The following PTPRN2 variants were observed in gnomAD, a reference collection of about 807,000 sequenced individuals.
PTPRN2 encodes the protein protein tyrosine phosphatase receptor type N2.
In PTPRN2, 74 loss-of-function variants were observed where a neutral mutation model predicts 118.8. The ratio of observed to expected loss-of-function variants is 0.62; its 90% CI spans 0.52 to 0.76. The LOEUF is 0.76. PTPRN2 is among the 30% of genes least tolerant of loss of function. The pLI, the probability that PTPRN2 is intolerant of heterozygous loss-of-function variation, is 0.00. For missense variants in PTPRN2, 1,481 were observed against 1,394.4 expected (o/e 1.06, Z -0.99); for synonymous variants, 641 against 608.0 (o/e 1.05, Z -0.80).
chr7:158,122,155 G>T (rs958005537), intron 9 of PTPRN2, among the ~76,000 whole-genome samples: 1 of 152,188 alleles, frequency 6.6e-6, no homozygotes, highest in African/African-American at 2.4e-5. Context: ...ACTTTTATGG[G>T]GTCAGGGTCA....
intron 2 of PTPRN2, among the ~76,000 whole-genome samples, chr7:158,478,583 G>A (rs1415689151): frequency 2.0e-5 from 3 of 152,164 alleles, no homozygotes; most frequent in South Asian, 2.1e-4. Context: ...TGCTTTCAAC[G>A]CATCCCTGAG....
At chr7:157,897,681 CCT>C (rs1797211441) in intron 12 of PTPRN2, among the ~76,000 whole-genome samples, 1 of 152,364 alleles carries the variant, frequency 6.6e-6, no homozygotes, top group Admixed American at 6.5e-5. Flanking sequence ...AGCGCAAGAA[CCT>C]CTGTTTGGGA....
At chr7:157,946,009 C>T (rs765779816) in intron 11 of PTPRN2, among the ~76,000 whole-genome samples, 3 of 152,096 alleles carry the variant, frequency 2.0e-5, no homozygotes, top group Non-Finnish European at 4.4e-5. Flanking sequence ...CTCTCAGTTC[C>T]GACAGTGTGA....
At position 157,766,054 on chromosome 7, in the gene PTPRN2, C is replaced by T. The variant is rs1802458981; in HGVS notation, c.1789-83117G>A. 3.5e-5 allele frequency among the ~76,000 whole-genome samples: 5 copies of T among 141,648 alleles called. No homozygotes were observed. The South Asian group carries it at 1.1e-3, about 31-fold the overall frequency. 92.9% of individuals were successfully genotyped at this position (141,648 alleles called of 152,430 possible). A position where few individuals can be genotyped will look rare whatever the true frequency, so the allele number is the denominator to read the frequency against. ...ATCCAACCAACCATTCATCCTTCCT[C>T]CATCCATCCATCCATCTATCCGCCC... On this transcript the variant is annotated intron_variant, in intron 12 of 22. Coordinates refer to ENST00000389418, the MANE Select transcript of PTPRN2 (RefSeq NM_002847.5).
intron 12 of PTPRN2, among the ~76,000 whole-genome samples, chr7:157,805,289 C>CTGTGTGTGTGTGTGTG (rs57161533): frequency 3.4e-5 from 5 of 148,690 alleles, no homozygotes; most frequent in African/African-American, 4.9e-5. Flanking sequence ...ATATATACTC[C>CTGTGTGTGTGTGTGTG]TGTGTGTGTG....
chr7:157,897,771 G>A (rs1458298114), intron 12 of PTPRN2, among the ~76,000 whole-genome samples: 1 of 152,292 alleles, frequency 6.6e-6, no homozygotes, highest in Non-Finnish European at 1.5e-5. Flanking sequence ...CCCCACAGAA[G>A]CAGCTTGTCT....
rs891480558 is a variant in PTPRN2 at position 157,622,160 on chromosome 7, C to T, written c.2197-651G>A. ...CCCACTCGGTTCTTATTCATCTGTA[C>T]CGTTGAGAACAAGCCCTGATTTTAA... is the stretch of plus-strand genomic sequence containing the variant. On this transcript the variant is annotated intron_variant, in intron 14 of 22. Transcript: ENST00000389418. The surrounding 1 kb of genome is among the most constrained non-coding windows in gnomAD (Gnocchi z 5.3). Among the ~76,000 whole-genome samples the T allele has an allele frequency of 2.6e-5, 4 of 152,074 alleles. No homozygotes were observed. The highest frequency in any genetic ancestry group is 2.9e-5 in the Non-Finnish European group (2 of 68,028).
intron 3 of PTPRN2, among the ~76,000 whole-genome samples, chr7:158,230,796 A>G (rs1391208733): frequency 6.6e-6 from 1 of 152,250 alleles, no homozygotes; most frequent in Non-Finnish European, 1.5e-5. Flanking sequence ...AAAAACAAAC[A>G]AAATAGCAGT....
At chr7:158,352,702 C>T (rs552819849) in intron 2 of PTPRN2, among the ~76,000 whole-genome samples, 8 of 152,204 alleles carry the variant, frequency 5.3e-5, no homozygotes, top group African/African-American at 7.2e-5. Flanking sequence ...TTGACAAAAA[C>T]GAATCACACC....
At chr7:158,154,139 G>A (rs1821476948) in intron 6 of PTPRN2, among the ~76,000 whole-genome samples, 1 of 152,160 alleles carries the variant, frequency 6.6e-6, no homozygotes, top group Non-Finnish European at 1.5e-5. Context: ...CACAGGCAGG[G>A]AATGTCAGGG....
chr7:158,329,798 T>A (rs1385918127), intron 2 of PTPRN2, among the ~76,000 whole-genome samples: 1 of 152,118 alleles, frequency 6.6e-6, no homozygotes, highest in Non-Finnish European at 1.5e-5. Flanking sequence ...TCTGTCCACA[T>A]GGTCCCACTT....
chr7:158,445,687 T>C (rs112845404), intron 2 of PTPRN2, among the ~76,000 whole-genome samples: 220 of 152,364 alleles, frequency 1.4e-3, no homozygotes, highest in Non-Finnish European at 2.3e-3. Context: ...AACAGCTTCC[T>C]GCCGCATCTT....
At chr7:158,148,339 G>C (rs1585625346) in intron 6 of PTPRN2, among the ~76,000 whole-genome samples, 2 of 84,254 alleles carry the variant, frequency 2.4e-5, no homozygotes, top group Admixed American at 1.1e-4. Context: ...CCCATCTCAC[G>C]CCACGTGTCT....
At chr7:157,686,818 G>A (rs1294482605) in intron 12 of PTPRN2, among the ~76,000 whole-genome samples, 1 of 152,106 alleles carries the variant, frequency 6.6e-6, no homozygotes, top group African/African-American at 2.4e-5. Flanking sequence ...GCAGGGGTGC[G>A]TCCCGGGTGG....
At chr7:157,941,022 C>T (rs1360008771) in intron 11 of PTPRN2, among the ~76,000 whole-genome samples, 2 of 85,310 alleles carry the variant, frequency 2.3e-5, no homozygotes, top group Non-Finnish European at 4.1e-5. Context: ...AAATCTAACA[C>T]CCTCCCCACC....
chr7:158,391,330 C>T (rs548461913), intron 2 of PTPRN2, among the ~76,000 whole-genome samples: 76 of 152,300 alleles, frequency 5.0e-4, no homozygotes, highest in Non-Finnish European at 1.0e-3. Context: ...TGTCTGAAAC[C>T]GCGCTCCCTC....
At chr7:158,191,304 C>T (rs1174889290) in intron 5 of PTPRN2, among the ~76,000 whole-genome samples, 3 of 152,188 alleles carry the variant, frequency 2.0e-5, no homozygotes, top group East Asian at 3.9e-4. Flanking sequence ...GCAGAGGGTC[C>T]TCAGGCTTTC....
At chr7:158,077,130 G>T (rs756354893) in intron 11 of PTPRN2, among the ~76,000 whole-genome samples, 1 of 152,228 alleles carries the variant, frequency 6.6e-6, no homozygotes, top group African/African-American at 2.4e-5. Flanking sequence ...AACGCAGAAC[G>T]CTGCGGGCTA....
chr7:158,051,945 AGT>A (rs1328751231), intron 11 of PTPRN2, among the ~76,000 whole-genome samples: 1 of 152,188 alleles, frequency 6.6e-6, no homozygotes, highest in Non-Finnish European at 1.5e-5. Context: ...GGGAAAAGGT[AGT>A]GTTACTCATG....
Sources: gnomAD v4.1 joint callset for allele counts (sites outside exome capture counted in the v4.1 genomes callset) on GRCh38, gnomAD v4.1.1 for gene constraint, Gnocchi (gnomAD v3.1) non-coding constraint, MANE v1.5 for transcripts, NCBI Gene and HGNC (gene_info 2026-07-23, HGNC 2026-07-21) for gene names.